Variants in MARCHF1 observed in about 807,000 individuals in gnomAD.
MARCHF1 encodes E3 ubiquitin-protein ligase MARCHF1.
MARCHF1 carries 40 observed loss-of-function variants against 54.2 expected under a neutral mutation model. That is an observed-to-expected ratio of 0.74 (90% CI 0.57 to 0.96). The LOEUF (loss-of-function observed/expected upper bound fraction) is 0.96, where lower values mean the gene tolerates loss of function less well. MARCHF1 is among the 40% of genes least tolerant of loss of function. The pLI, the probability that MARCHF1 is intolerant of heterozygous loss-of-function variation, is 0.00. For missense variants in MARCHF1, 586 were observed against 656.5 expected (o/e 0.89, Z 1.17); for synonymous variants, 236 against 236.3 (o/e 1.00, Z 0.01).
chr4:163,542,679 G>A (rs544521659), intron 9 of MARCHF1, among the ~76,000 whole-genome samples: 2 of 152,164 alleles, frequency 1.3e-5, no homozygotes, highest in African/African-American at 2.4e-5. Flanking sequence ...TCACCTGTAG[G>A]CTTCTTCAGT....
chr4:164,338,502 AAAC>A (rs1729823522), intron 1 of MARCHF1, among the ~76,000 whole-genome samples: 1 of 152,222 alleles, frequency 6.6e-6, no homozygotes, highest in Non-Finnish European at 1.5e-5. Context: ...TTTAAAAAAG[AAAC>A]AACTATATGT....
At chr4:164,176,994 A>C (rs1314581581) in intron 1 of MARCHF1, among the ~76,000 whole-genome samples, 38 of 87,826 alleles carry the variant, frequency 4.3e-4, no homozygotes, top group African/African-American at 1.8e-3. Context: ...ATATATATAT[A>C]TATATATATA....
intron 1 of MARCHF1, among the ~76,000 whole-genome samples, chr4:164,274,809 T>TG (rs1231377923): frequency 6.6e-6 from 1 of 150,626 alleles, no homozygotes; most frequent in African/African-American, 2.4e-5. Flanking sequence ...CCCGAGTAGC[T>TG]GGGACTACAG....
chr4:164,141,926 G>C (rs1408808788), intron 1 of MARCHF1, among the ~76,000 whole-genome samples: 2 of 152,196 alleles, frequency 1.3e-5, no homozygotes, highest in African/African-American at 4.8e-5. Flanking sequence ...CATCTCACTA[G>C]GGAGTGCCAG....
intron 5 of MARCHF1, among the ~76,000 whole-genome samples, chr4:163,649,071 G>A (rs958863692): frequency 3.9e-5 from 6 of 151,952 alleles, no homozygotes; most frequent in African/African-American, 7.2e-5. Flanking sequence ...AGGCTTATGT[G>A]ATTTATTTTT....
chr4:163,851,353 C>T (rs1370355353), intron 4 of MARCHF1, among the ~76,000 whole-genome samples: 1 of 152,102 alleles, frequency 6.6e-6, no homozygotes, highest in East Asian at 1.9e-4. Context: ...CAGGATTGTG[C>T]CTGTGATTGA....
chr4:164,248,727 A>T (rs973219420), intron 1 of MARCHF1, among the ~76,000 whole-genome samples: 1 of 152,020 alleles, frequency 6.6e-6, no homozygotes, highest in Non-Finnish European at 1.5e-5. Context: ...TAAAATTAGG[A>T]AAACAATTGT....
intron 4 of MARCHF1, among the ~76,000 whole-genome samples, chr4:163,768,930 A>G (rs1401842214): frequency 1.3e-5 from 2 of 152,176 alleles, no homozygotes; most frequent in African/African-American, 2.4e-5. Context: ...TATGTCAAAT[A>G]TCTGGACTTC....
intron 5 of MARCHF1, among the ~76,000 whole-genome samples, chr4:163,697,169 G>A (rs1744661469): frequency 6.6e-6 from 1 of 152,166 alleles, no homozygotes; most frequent in Admixed American, 6.5e-5. Flanking sequence ...GAGCTCGTAA[G>A]AGCCTCAGTG....
chr4:164,241,561 A>T (rs4599363), intron 1 of MARCHF1, among the ~76,000 whole-genome samples: 124,536 of 152,118 alleles, frequency 0.82, 51,387 homozygotes, highest in South Asian at 0.89. Flanking sequence ...GTGTATATTA[A>T]AATGGACTTC....
intron 9 of MARCHF1, among the ~76,000 whole-genome samples, chr4:163,532,686 TAAGAA>T (rs763621394): frequency 1.3e-5 from 2 of 151,902 alleles, no homozygotes; most frequent in Non-Finnish European, 2.9e-5. Context: ...CATTCAATGA[TAAGAA>T]AATAACCTAA....
intron 5 of MARCHF1, among the ~76,000 whole-genome samples, chr4:163,642,922 A>AACTGAAAT (rs1212968363): frequency 6.6e-6 from 1 of 152,092 alleles, no homozygotes; most frequent in Admixed American, 6.6e-5. Context: ...CATAAGCACT[A>AACTGAAAT]ACTGAAATAT....
intron 1 of MARCHF1, among the ~76,000 whole-genome samples, chr4:164,184,532 A>C (rs1436938174): frequency 6.6e-6 from 1 of 152,226 alleles, no homozygotes; most frequent in Admixed American, 6.5e-5. Context: ...TCTGAAATAA[A>C]AAGGGTTATA....
intron 1 of MARCHF1, among the ~76,000 whole-genome samples, chr4:164,187,191 T>C (rs1444836785): frequency 6.6e-6 from 1 of 152,122 alleles, no homozygotes; most frequent in African/African-American, 2.4e-5. Context: ...GACAGCTTTG[T>C]TCGAGGAAAT....
chr4:163,602,414 T>C (rs1741002443), intron 7 of MARCHF1, among the ~76,000 whole-genome samples: 2 of 152,272 alleles, frequency 1.3e-5, no homozygotes, highest in Middle Eastern at 3.4e-3. Context: ...TTTATGATCC[T>C]ATAAATAGAG....
intron 3 of MARCHF1, among the ~76,000 whole-genome samples, chr4:163,907,843 A>T (rs1751104823): frequency 6.6e-6 from 1 of 152,138 alleles, no homozygotes; most frequent in African/African-American, 2.4e-5. Context: ...ATGTGTGGAA[A>T]GTTCATGCAA....
At chr4:163,719,134 A>G (rs558839659) in intron 4 of MARCHF1, among the ~76,000 whole-genome samples, 2 of 151,518 alleles carry the variant, frequency 1.3e-5, no homozygotes, top group Non-Finnish European at 1.5e-5. Flanking sequence ...GCACCCATTA[A>G]CTCGTCATGT....
intron 4 of MARCHF1, among the ~76,000 whole-genome samples, chr4:163,796,878 T>A (rs1206543898): frequency 6.6e-6 from 1 of 152,182 alleles, no homozygotes; most frequent in Non-Finnish European, 1.5e-5. Flanking sequence ...GCTTTAGATC[T>A]GACTGCATCT....
intron 4 of MARCHF1, among the ~76,000 whole-genome samples, chr4:163,752,142 T>C (rs1372334394): frequency 6.6e-6 from 1 of 152,236 alleles, no homozygotes; most frequent in East Asian, 1.9e-4. Context: ...TAGAAAAAAA[T>C]TCAGCATTGG....
Sources: gnomAD v4.1 joint callset for allele counts (sites outside exome capture counted in the v4.1 genomes callset) on GRCh38, gnomAD v4.1.1 for gene constraint, MANE v1.5 for transcripts, NCBI Gene and HGNC (gene_info 2026-07-23, HGNC 2026-07-21) for gene names.